Variants in CBLN2 observed in about 807,000 individuals in gnomAD.
CBLN2 encodes cerebellin-2.
Under a neutral mutation model 15.0 loss-of-function variants are expected in CBLN2, and 7 were observed. The observed-to-expected ratio is 0.47, with a 90% CI of 0.27 to 0.88. The LOEUF (loss-of-function observed/expected upper bound fraction) is 0.88. CBLN2 is among the 40% of genes least tolerant of loss of function. The pLI is 0.14. For missense variants in CBLN2, 242 were observed against 304.5 expected, an observed-to-expected ratio of 0.79 and a Z score of 1.53; for synonymous variants, 149 against 135.2, an observed-to-expected ratio of 1.10 and a Z score of -0.71.
intron 1 of CBLN2, among the ~76,000 whole-genome samples, chr18:72,556,392 A>G (rs943989981): frequency 4.6e-5 from 7 of 152,224 alleles, no homozygotes; most frequent in African/African-American, 1.7e-4. Context: ...ATTTTCTGCC[A>G]CATAAGTGTG....
chr18:72,551,132 T>C (rs113965782), intron 1 of CBLN2, among the ~76,000 whole-genome samples: 1,853 of 152,206 alleles, frequency 0.012, 33 homozygotes, highest in African/African-American at 0.042. Flanking sequence ...GAGTCCTCTA[T>C]TTAAACATTG....
At chr18:72,548,060 G>A (rs1470305728), upstream of CBLN2, among the ~76,000 whole-genome samples, 2 of 152,198 alleles carry the variant, frequency 1.3e-5, no homozygotes, top group Non-Finnish European at 2.9e-5. Flanking sequence ...CCATCTGAGA[G>A]GCTCTGTTTT....
chr18:72,589,047 A>AT (rs759798423), intron 1 of CBLN2, among the ~76,000 whole-genome samples: 118 of 152,126 alleles, frequency 7.8e-4, no homozygotes, highest in Non-Finnish European at 1.6e-3. Flanking sequence ...TCAGATGTTG[A>AT]TTTTGCATAG....
chr18:72,551,013 A>G (rs2069188807), intron 1 of CBLN2, among the ~76,000 whole-genome samples: 1 of 152,086 alleles, frequency 6.6e-6, no homozygotes, highest in Non-Finnish European at 1.5e-5. Context: ...AGAGTAACAC[A>G]TATACATGTC....
intron 1 of CBLN2, among the ~76,000 whole-genome samples, chr18:72,565,478 T>C (rs2069288616): frequency 2.6e-5 from 4 of 152,038 alleles, no homozygotes; most frequent in African/African-American, 9.7e-5. Context: ...ACATATAACA[T>C]AAAAAGATGT....
At chr18:72,564,658 C>G (rs1478054747) in intron 1 of CBLN2, among the ~76,000 whole-genome samples, 1 of 152,020 alleles carries the variant, frequency 6.6e-6, no homozygotes, top group Non-Finnish European at 1.5e-5. Context: ...TTATGAGATA[C>G]CATTATGTGA....
chr18:72,587,374 TA>T (rs1161857090), intron 1 of CBLN2, among the ~76,000 whole-genome samples: 1 of 152,112 alleles, frequency 6.6e-6, no homozygotes, highest in Non-Finnish European at 1.5e-5. Context: ...TGTTACACAA[TA>T]AAATAAATTT....
chr18:72,538,478 G>C, intron 4 of CBLN2, 105 bp from the exon 5 acceptor site: 1 of 1,444,388 alleles, frequency 6.9e-7, no homozygotes, highest in Non-Finnish European at 9.6e-7. Context: ...CCTTCCCTTA[G>C]AGTACACATC....
At chr18:72,610,990 G>A (rs898738346) in intron 1 of CBLN2, among the ~76,000 whole-genome samples, 2 of 152,094 alleles carry the variant, frequency 1.3e-5, no homozygotes, top group African/African-American at 4.8e-5. Flanking sequence ...AGAACATGTG[G>A]TATCCGATTT....
chr18:72,626,779 G>A (rs890873119), intron 1 of CBLN2, among the ~76,000 whole-genome samples: 13 of 152,118 alleles, frequency 8.5e-5, no homozygotes, highest in Admixed American at 3.9e-4. Flanking sequence ...ACAACAAATG[G>A]TGACTCTCTG....
chr18:72,604,084 A>C (rs2069567439), intron 1 of CBLN2, among the ~76,000 whole-genome samples: 1 of 152,184 alleles, frequency 6.6e-6, no homozygotes, highest in Admixed American at 6.5e-5. Context: ...GTACTTCTCA[A>C]AAGGTACAAT....
At chr18:72,580,021 C>G (rs895580136) in intron 1 of CBLN2, among the ~76,000 whole-genome samples, 2 of 151,832 alleles carry the variant, frequency 1.3e-5, no homozygotes, top group African/African-American at 4.8e-5. Context: ...AATATGAAAA[C>G]TGGAGTTTTA....
Sources: gnomAD v4.1 joint callset for allele counts (sites outside exome capture counted in the v4.1 genomes callset) on GRCh38, gnomAD v4.1.1 for gene constraint, MANE v1.5 for transcripts, NCBI Gene and HGNC (gene_info 2026-07-23, HGNC 2026-07-21) for gene names.